Variants in MAN2A1 observed in about 807,000 individuals in gnomAD.
MAN2A1 encodes the protein alpha-mannosidase 2.
A neutral mutation model predicts 142.6 loss-of-function variants in MAN2A1; 76 were observed. The ratio of observed to expected loss-of-function variants is 0.53; its 90% CI spans 0.44 to 0.65. MAN2A1 has a LOEUF of 0.65. MAN2A1 is among the 30% of genes least tolerant of loss of function. The pLI is 0.00. For missense variants in MAN2A1, 1,311 were observed against 1,365.1 expected (o/e 0.96, Z 0.62); for synonymous variants, 559 against 473.2 (o/e 1.18, Z -2.35).
At chr5:109,856,662 A>G (rs1755611635) in intron 20 of MAN2A1, among the ~76,000 whole-genome samples, 1 of 152,194 alleles carries the variant, frequency 6.6e-6, no homozygotes, top group Admixed American at 6.5e-5. Context: ...AATAATCCTC[A>G]GTTTTTTGAG....
Position 109,846,023 on chromosome 5 carries a change from C to T in MAN2A1, c.2842+17C>T, listed in dbSNP as rs372248899. 1.9e-6 allele frequency: 3 copies of T among 1,581,242 alleles called. No individual in the cohort carries two copies. The African/African-American group carries it at 4.1e-5, about 22-fold the overall frequency. Reference sequence around the variant, plus strand: ...TGAATAGTGGTATGTATTGCTTACACTCTTTTCCACTCTGAAAGGTTTCAA... The same window carrying T: ...TGAATAGTGGTATGTATTGCTTACATTCTTTTCCACTCTGAAAGGTTTCAA... On this transcript the variant is annotated intron_variant, in intron 18 of 21. Transcript: ENST00000261483.
chr5:109,833,902 T>C (rs908813551), intron 16 of MAN2A1, among the ~76,000 whole-genome samples: 2 of 152,202 alleles, frequency 1.3e-5, no homozygotes, highest in African/African-American at 2.4e-5. Flanking sequence ...GGAAACCATG[T>C]GTTTTGCAGA....
At chr5:109,790,539 G>C (rs1485220101) in intron 12 of MAN2A1, among the ~76,000 whole-genome samples, 2 of 151,890 alleles carry the variant, frequency 1.3e-5, no homozygotes, top group Non-Finnish European at 2.9e-5. Flanking sequence ...CTTTCAGATT[G>C]CCAGGTCATA....
chr5:109,854,930 A>G (rs1005873200), intron 19 of MAN2A1: 12 of 385,406 alleles, frequency 3.1e-5, no homozygotes, highest in Non-Finnish European at 5.0e-5. Flanking sequence ...TATTTTAAAC[A>G]TATGAGTTAG....
intron 16 of MAN2A1, among the ~76,000 whole-genome samples, chr5:109,826,022 C>T (rs1754750181): frequency 6.7e-6 from 1 of 149,800 alleles, no homozygotes; most frequent in African/African-American, 2.5e-5. Flanking sequence ...TCTCCTGCCT[C>T]AGCTTCCTAG....
chr5:109,857,442 A>G (rs566787922), intron 20 of MAN2A1, among the ~76,000 whole-genome samples: 2 of 152,298 alleles, frequency 1.3e-5, no homozygotes, highest in South Asian at 2.1e-4. Context: ...ACCACCACCC[A>G]GCATAGATGG....
chr5:109,719,896 GT>G (rs992944410), intron 3 of MAN2A1, among the ~76,000 whole-genome samples: 1 of 152,108 alleles, frequency 6.6e-6, no homozygotes, highest in Non-Finnish European at 1.5e-5. Context: ...ATATTTAAGT[GT>G]TTTACATGAG....
chr5:109,840,595 C>A (rs1755176084), intron 16 of MAN2A1: 2 of 495,130 alleles, frequency 4.0e-6, no homozygotes, highest in Non-Finnish European at 4.0e-6. Flanking sequence ...ACAGGGCCAT[C>A]TTCTGCCTTT....
At chr5:109,744,026 AT>A (rs1454667468) in intron 4 of MAN2A1, among the ~76,000 whole-genome samples, 1 of 151,894 alleles carries the variant, frequency 6.6e-6, no homozygotes, top group Non-Finnish European at 1.5e-5. Context: ...TTCAGCTTGG[AT>A]TTTTATTTTT....
At chr5:109,822,727 G>C (rs1487780936) in intron 15 of MAN2A1, among the ~76,000 whole-genome samples, 1 of 152,008 alleles carries the variant, frequency 6.6e-6, no homozygotes, top group Non-Finnish European at 1.5e-5. Context: ...ACCCAGGCTG[G>C]AATGCAGTGG....
intron 5 of MAN2A1, among the ~76,000 whole-genome samples, chr5:109,763,868 C>T (rs1323368658): frequency 6.6e-6 from 1 of 151,452 alleles, no homozygotes; most frequent in Non-Finnish European, 1.5e-5. Flanking sequence ...CTGGCGCCAT[C>T]TCAGCTTACT....
At chr5:109,842,530 C>T in intron 17 of MAN2A1, 69 bp downstream of exon 17, 1 of 970,442 alleles carries the variant, frequency 1.0e-6, no homozygotes, top group South Asian at 2.8e-5. Context: ...TAACAATGGC[C>T]CAGTTAATTT....
chr5:109,835,360 G>T (rs1300034832), intron 16 of MAN2A1, among the ~76,000 whole-genome samples: 2 of 152,164 alleles, frequency 1.3e-5, no homozygotes, highest in Non-Finnish European at 2.9e-5. Flanking sequence ...GAAAGGAGAT[G>T]AGAGCAACAA....
chr5:109,828,200 A>G (rs1269097399), intron 16 of MAN2A1, among the ~76,000 whole-genome samples: 1 of 152,184 alleles, frequency 6.6e-6, no homozygotes, highest in African/African-American at 2.4e-5. Flanking sequence ...AGCACCCATA[A>G]TTTAATGAAA....
intron 8 of MAN2A1, among the ~76,000 whole-genome samples, chr5:109,779,841 A>G (rs944716745): frequency 1.3e-5 from 2 of 152,198 alleles, no homozygotes; most frequent in Non-Finnish European, 2.9e-5. Context: ...ACCAAATTGA[A>G]TACAGTTGAA....
intron 8 of MAN2A1, among the ~76,000 whole-genome samples, chr5:109,776,581 C>G (rs1753298866): frequency 6.6e-6 from 1 of 152,070 alleles, no homozygotes; most frequent in African/African-American, 2.4e-5. Context: ...CATCCTTTGC[C>G]TACTAGAACA....
At position 109,868,287 on chromosome 5, in the gene MAN2A1, T is replaced by C. The variant is rs1755931729; in HGVS notation, c.*1289T>C. On this transcript the variant is annotated 3_prime_UTR_variant, in exon 22 of 22. Transcript: ENST00000261483. Reference sequence around the variant, plus strand: ...TGTTTGTTCATTCAGTTCTCAACTTTTGTATGTGCTAACCTTAAAGTGAAG... The same window carrying C: ...TGTTTGTTCATTCAGTTCTCAACTTCTGTATGTGCTAACCTTAAAGTGAAG... 1 of 152,228 alleles carries C rather than the reference T, an allele frequency of 6.6e-6. No homozygotes were observed. Among genetic ancestry groups the C allele is most frequent in the African/African-American group, 2.4e-5 (1 of 41,466 alleles). 9.4% of individuals were successfully genotyped at this position (152,228 alleles called of 1,614,324 possible). A position where few individuals can be genotyped will look rare whatever the true frequency, so the allele number is the denominator to read the frequency against.
rs897097653 is a variant in MAN2A1, at chr5:109,739,168, A to G, written c.707+9655A>G. Among the ~76,000 whole-genome samples, 3 of 151,112 alleles carry G rather than the reference A, an allele frequency of 2.0e-5. No individual in the cohort carries two copies. The East Asian group carries it at 5.8e-4, about 29-fold the overall frequency. ...GTATAATGGGAAGATTTTAACTGTA[A>G]TTTTTTTTTCTCTTCTCTCTTAAAG... is the stretch of plus-strand genomic sequence containing the variant. On this transcript the variant is annotated intron_variant, in intron 4 of 21. Transcript: ENST00000261483.
intron 8 of MAN2A1, among the ~76,000 whole-genome samples, chr5:109,778,774 T>C (rs566121706): frequency 3.9e-5 from 6 of 152,234 alleles, no homozygotes; most frequent in Non-Finnish European, 2.9e-5. Context: ...TATCTAGTTA[T>C]ATCTGTTTCT....
Sources: gnomAD v4.1 joint callset for allele counts (sites outside exome capture counted in the v4.1 genomes callset) on GRCh38, gnomAD v4.1.1 for gene constraint, MANE v1.5 for transcripts, NCBI Gene and HGNC (gene_info 2026-07-23, HGNC 2026-07-21) for gene names.